ITGB2: variants seen among roughly 807,000 people sequenced by gnomAD.
The protein encoded by ITGB2 is integrin beta-2.
A neutral mutation model predicts 86.8 loss-of-function variants in ITGB2; 56 were observed. The observed-to-expected ratio is 0.65, with a 90% CI of 0.52 to 0.81. ITGB2 has a LOEUF of 0.81. Ranked by LOEUF, ITGB2 falls within the 30% of genes least tolerant of loss-of-function variation. The probability of loss-of-function intolerance (pLI) is 0.00; values close to 1 mark genes in which losing one functional copy is unlikely to be tolerated. For missense variants in ITGB2, 948 were observed against 1,061.2 expected (o/e 0.89, Z 1.48); for synonymous variants, 457 against 450.4 (o/e 1.01, Z -0.19).
At position 44,889,298 on chromosome 21, in the gene ITGB2, G is replaced by A. The variant is rs1235511006; in HGVS notation, c.1855C>T (p.Pro619Ser). Residue 619 changes from proline (P) to serine (S), a missense_variant, in exon 13 of 16, where the codon CCC (proline) becomes TCC (serine). By Grantham distance (74) the Pro-to-Ser change is moderately conservative. Transcript: ENST00000652462. ...LPLCQECPGC[P>S]SPCGKYISCA... ...CACATGTACTTGCCACAGGGTGAGG[G>A]GCAGCCGGGGCACTCCTGGCACAGA... 2 of 1,612,708 alleles carry A rather than the reference G, an allele frequency of 1.2e-6. No individual in the cohort carries two copies. Among genetic ancestry groups the A allele is most frequent in the African/African-American group, 2.7e-5 (2 of 74,890 alleles).
intron 5 of ITGB2, 72 bp downstream of exon 5, chr21:44,903,293 T>A: frequency 6.3e-7 from 1 of 1,579,070 alleles, no homozygotes. Context: ...CGAGGAGTTG[T>A]GTGGGCCACA....
At chr21:44,910,445 G>A in intron 2 of ITGB2, 73 bp from the exon 3 acceptor site, 4 of 1,607,910 alleles carry the variant, frequency 2.5e-6, no homozygotes, top group Non-Finnish European at 3.4e-6. Context: ...AGTAGAGCAG[G>A]AAGGTCAGAG....
intron 8 of ITGB2, among the ~76,000 whole-genome samples, chr21:44,897,353 G>T (rs979396955): frequency 5.3e-5 from 8 of 152,216 alleles, no homozygotes; most frequent in African/African-American, 9.6e-5. Flanking sequence ...AAGCAGCAGG[G>T]CAGGGGCTGT....
chr21:44,918,705 G>A (rs950652588), intron 1 of ITGB2, among the ~76,000 whole-genome samples: 1 of 152,186 alleles, frequency 6.6e-6, no homozygotes, highest in Non-Finnish European at 1.5e-5. Flanking sequence ...TGGCCGTGTT[G>A]CCTCAGGCTC....
chr21:44,901,384 C>G, intron 6 of ITGB2, 108 bp downstream of exon 6: 1 of 1,396,216 alleles, frequency 7.2e-7, no homozygotes. Context: ...AGGCTGGAGT[C>G]CCTCAGACGA....
chr21:44,919,083 A>G (rs1340151208), intron 1 of ITGB2, among the ~76,000 whole-genome samples: 1 of 108,720 alleles, frequency 9.2e-6, no homozygotes, highest in African/African-American at 4.6e-5. Context: ...GCTGAGCGGC[A>G]GTGACGCTGC....
Position 44,889,258 on chromosome 21 carries a change from T to C in ITGB2, c.1877+18A>G. 6.2e-7 allele frequency: 1 copy of C among 1,610,878 alleles called. No homozygotes were observed. Among genetic ancestry groups the C allele is most frequent in the Admixed American group, 1.7e-5 (1 of 59,974 alleles). ...AGTGGGGATCCCTGCCCGCCCTGCC[T>C]GCTCCGCCTGCACTCACATGTACTT... On this transcript the variant is annotated intron_variant, in intron 13 of 15. Coordinates refer to ENST00000652462, the MANE Select transcript of ITGB2 (RefSeq NM_000211.5).
At position 44,889,926 on chromosome 21, in the gene ITGB2, C is replaced by A. The variant is rs201836589; in HGVS notation, c.1657+52G>T. 2.5e-4 allele frequency: 405 copies of A among 1,609,190 alleles called. 1 individual carries two copies. The highest frequency in any genetic ancestry group is 1.4e-3 in the Middle Eastern group (8 of 5,814). ...ATGGTCCAGAACGCACCCCCCAACACCAAGTCTGTGCCGCAGGACGGCCGT... is the reference window on the plus strand; with the variant it reads ...ATGGTCCAGAACGCACCCCCCAACAACAAGTCTGTGCCGCAGGACGGCCGT... On this transcript the variant is annotated intron_variant, in intron 12 of 15. Transcript: ENST00000652462.
At chr21:44,897,387 C>A (rs1224809272) in intron 8 of ITGB2, among the ~76,000 whole-genome samples, 1 of 152,184 alleles carries the variant, frequency 6.6e-6, no homozygotes, top group South Asian at 2.1e-4. Context: ...TGGGCAGAGC[C>A]CCAGGCAGGG....
At chr21:44,888,986 G>T in intron 13 of ITGB2, 91 bp from the exon 14 acceptor site, 3 of 1,232,356 alleles carry the variant, frequency 2.4e-6, no homozygotes, top group South Asian at 2.5e-5. Context: ...CACCAGGGGG[G>T]GCAGGTGGGG....
chr21:44,901,634 G>A lies in ITGB2; in HGVS notation c.599C>T (p.Pro200Leu), dbSNP rs750956835. 1 of 1,614,248 alleles carries A rather than the reference G, an allele frequency of 6.2e-7. No individual in the cohort carries two copies. Among genetic ancestry groups the A allele is most frequent in the South Asian group, 1.1e-5 (1 of 91,078 alleles). Residue 200 changes from proline to leucine, a missense_variant, in exon 6 of 16, where the codon CCC becomes CTC. Pro to Leu is a moderately conservative substitution (Grantham distance 98, BLOSUM62 -3). Coordinates refer to ENST00000652462, the MANE Select transcript of ITGB2 (RefSeq NM_000211.5). ...PCPNKEKECQ[P>L]PFAFRHVLKL... ...CAGCACGTGCCTGAAGGCAAACGGG[G>A]GCTGGCACTCTTTCTCCTTGTTGGG...
At chr21:44,886,620 C>G in intron 15 of ITGB2, 116 bp downstream of exon 15, 1 of 1,513,450 alleles carries the variant, frequency 6.6e-7, no homozygotes, top group South Asian at 1.1e-5. Context: ...GACAAGCTGC[C>G]TGGGGAGGCC....
intron 13 of ITGB2, 85 bp downstream of exon 13, chr21:44,889,191 G>T: frequency 7.5e-7 from 1 of 1,338,790 alleles, no homozygotes; most frequent in East Asian, 2.3e-5. Context: ...GGTGCTCACT[G>T]GGGTCCCCGA....
At chr21:44,895,835 TAA>T (rs1491552318) in intron 8 of ITGB2, among the ~76,000 whole-genome samples, 4 of 139,938 alleles carry the variant, frequency 2.9e-5, no homozygotes, top group Non-Finnish European at 6.4e-5. Flanking sequence ...TCTGTCTCAA[TAA>T]AATAAAATGA....
At chr21:44,913,428 G>A (rs2084161294) in intron 1 of ITGB2, among the ~76,000 whole-genome samples, 1 of 152,170 alleles carries the variant, frequency 6.6e-6, no homozygotes, top group East Asian at 1.9e-4. Flanking sequence ...CAGGGAGAGG[G>A]GGTGCACCTT....
chr21:44,908,991 G>C (rs1354641226), intron 3 of ITGB2, among the ~76,000 whole-genome samples: 2 of 152,228 alleles, frequency 1.3e-5, no homozygotes, highest in Non-Finnish European at 2.9e-5. Flanking sequence ...ACGCTGATGA[G>C]AGAGAGGCTG....
upstream of ITGB2, among the ~76,000 whole-genome samples, chr21:44,925,472 G>GAAGGAAGGAAGGAAGA (rs1227859975): frequency 6.9e-6 from 1 of 145,152 alleles, no homozygotes; most frequent in African/African-American, 2.6e-5. Flanking sequence ...AGGAAGGAAG[G>GAAGGAAGGAAGGAAGA]AAGGAAGGAA....
chr21:44,886,954 C>A, intron 14 of ITGB2, 52 bp from the exon 15 acceptor site: 1 of 1,603,436 alleles, frequency 6.2e-7, no homozygotes, highest in Non-Finnish European at 8.5e-7. Context: ...TCTCACTGAG[C>A]CGTGTGCCCA....
At chr21:44,908,026 T>A in intron 3 of ITGB2, 1 of 716,746 alleles carries the variant, frequency 1.4e-6, no homozygotes, top group Non-Finnish European at 2.6e-6. Flanking sequence ...GCTGAAAACC[T>A]CCAGAAAGGG....
Sources: allele counts gnomAD v4.1 joint callset (sites outside exome capture counted in the v4.1 genomes callset), GRCh38; gene constraint gnomAD v4.1.1; transcripts MANE v1.5; gene names NCBI Gene and HGNC (gene_info 2026-07-23, HGNC 2026-07-21).